Variants in DOCK2 observed in about 807,000 individuals in gnomAD.
DOCK2 encodes the protein dedicator of cytokinesis 2.
DOCK2 carries 87 observed loss-of-function variants against 248.9 expected under a neutral mutation model. The ratio of observed to expected loss-of-function variants is 0.35; its 90% CI spans 0.29 to 0.42. The LOEUF is 0.42. Ranked by LOEUF, DOCK2 falls within the 10% of genes least tolerant of loss-of-function variation. DOCK2 has a pLI of 1.00. For missense variants in DOCK2, 1,747 were observed against 2,300.2 expected, an observed-to-expected ratio of 0.76 and a Z score of 4.92; for synonymous variants, 805 against 821.6, an observed-to-expected ratio of 0.98 and a Z score of 0.35.
chr5:169,786,895 G>A lies in DOCK2; in HGVS notation c.2555-16163G>A, dbSNP rs1024883669. ...AGTATATAGTAAATCTATTAGCCACGACCCTTATCAAGATACAGTATATTT... is the reference window on the plus strand; with the variant it reads ...AGTATATAGTAAATCTATTAGCCACAACCCTTATCAAGATACAGTATATTT... On this transcript the variant is annotated intron_variant, in intron 25 of 51. Transcript: ENST00000520908. Among the ~76,000 whole-genome samples the A allele has an allele frequency of 2.0e-5, 3 of 151,974 alleles. No homozygotes were observed. The South Asian group carries it at 6.2e-4, about 32-fold the overall frequency.
chr5:169,647,087 C>T (rs2113126554), intron 1 of DOCK2, among the ~76,000 whole-genome samples: 1 of 152,328 alleles, frequency 6.6e-6, no homozygotes, highest in Middle Eastern at 3.4e-3. Flanking sequence ...GGGCAGTGCC[C>T]CCTTTGCTTC....
chr5:169,968,727 G>C (rs1033767938), intron 27 of DOCK2, among the ~76,000 whole-genome samples: 7 of 152,166 alleles, frequency 4.6e-5, no homozygotes, highest in African/African-American at 1.7e-4. Context: ...GGTACTCCCT[G>C]GGTCAGCTCA....
chr5:169,933,867 A>G (rs1412806931), intron 27 of DOCK2, among the ~76,000 whole-genome samples: 1 of 152,156 alleles, frequency 6.6e-6, no homozygotes, highest in Non-Finnish European at 1.5e-5. Flanking sequence ...AGAGAAATGA[A>G]CAGAGCGTGC....
chr5:169,816,688 T>C (rs182994340), intron 26 of DOCK2, among the ~76,000 whole-genome samples: 1 of 152,290 alleles, frequency 6.6e-6, no homozygotes, highest in Non-Finnish European at 1.5e-5. Context: ...TTTCTTTTTT[T>C]TAATTTTTAA....
chr5:169,933,736 T>G (rs1775865639), intron 27 of DOCK2, among the ~76,000 whole-genome samples: 1 of 152,158 alleles, frequency 6.6e-6, no homozygotes, highest in Non-Finnish European at 1.5e-5. Flanking sequence ...AGACACCCAC[T>G]TCTCAGACTT....
intron 22 of DOCK2, among the ~76,000 whole-genome samples, chr5:169,725,232 A>G (rs534680448): frequency 3.0e-4 from 45 of 152,356 alleles, no homozygotes; most frequent in African/African-American, 1.0e-3. Context: ...AAACTGAACA[A>G]TTGCAGTTAA....
intron 27 of DOCK2, among the ~76,000 whole-genome samples, chr5:169,843,806 T>C (rs1410380996): frequency 1.3e-5 from 2 of 152,240 alleles, no homozygotes; most frequent in African/African-American, 2.4e-5. Context: ...ATCATACAAT[T>C]CAAGGTCATT....
intron 26 of DOCK2, among the ~76,000 whole-genome samples, chr5:169,835,417 G>A (rs956129155): frequency 1.3e-5 from 2 of 151,946 alleles, no homozygotes; most frequent in Non-Finnish European, 2.9e-5. Flanking sequence ...ATCATGCCTG[G>A]CTAATTTTTA....
At chr5:169,819,123 C>T (rs145889070) in intron 26 of DOCK2, among the ~76,000 whole-genome samples, 62 of 152,230 alleles carry the variant, frequency 4.1e-4, no homozygotes, top group African/African-American at 1.4e-3. Flanking sequence ...CAGAAATACC[C>T]GCAGGAGACC....
chr5:169,736,885 A>C (rs975632874), intron 22 of DOCK2, among the ~76,000 whole-genome samples: 1 of 152,218 alleles, frequency 6.6e-6, no homozygotes, highest in Non-Finnish European at 1.5e-5. Flanking sequence ...TTTGGTTTGC[A>C]TTAGTAATCA....
chr5:170,083,128 T>C lies in DOCK2; in HGVS notation c.*270T>C, dbSNP rs1758092480. ...GCAAGAATGCCTTCTCCCAGTGTGC[T>C]CTCCCCAACATCCTAGGCACAGCTT... On this transcript the variant is annotated 3_prime_UTR_variant, in exon 52 of 52. Transcript: ENST00000520908. The C allele has an allele frequency of 1.3e-5, 6 of 465,832 alleles. No homozygotes were observed. The highest frequency in any genetic ancestry group is 2.3e-5 in the Non-Finnish European group (6 of 259,042). 28.9% of individuals were successfully genotyped at this position (465,832 alleles called of 1,614,324 possible).
At chr5:169,978,465 C>T (rs1347646993) in intron 27 of DOCK2, among the ~76,000 whole-genome samples, 1 of 147,086 alleles carries the variant, frequency 6.8e-6, no homozygotes, top group Non-Finnish European at 1.5e-5. Context: ...ATGTTGTACA[C>T]TAAAATTATT....
chr5:169,858,571 G>A (rs999090949), intron 27 of DOCK2, among the ~76,000 whole-genome samples: 1 of 152,180 alleles, frequency 6.6e-6, no homozygotes, highest in South Asian at 2.1e-4. Context: ...GCAGGGCTTC[G>A]GGCCAGAGCA....
chr5:169,680,876 T>C (rs1759620252), intron 6 of DOCK2, among the ~76,000 whole-genome samples: 1 of 152,172 alleles, frequency 6.6e-6, no homozygotes, highest in African/African-American at 2.4e-5. Context: ...ATAAGCTTAT[T>C]CTTATACATG....
chr5:170,016,866 A>C (rs932828933), intron 32 of DOCK2, among the ~76,000 whole-genome samples: 2 of 152,252 alleles, frequency 1.3e-5, no homozygotes, highest in African/African-American at 4.8e-5. Flanking sequence ...AGAAACCTAG[A>C]TTAGCAATTA....
chr5:169,892,008 A>G (rs868450750), intron 27 of DOCK2, among the ~76,000 whole-genome samples: 3 of 151,834 alleles, frequency 2.0e-5, no homozygotes, highest in Admixed American at 6.6e-5. Flanking sequence ...AAAAAAAAAA[A>G]AAAAGAAAAA....
At position 170,008,198 on chromosome 5, in the gene DOCK2, C is replaced by G. The variant is rs537263778; in HGVS notation, c.3073-299C>G. Among the ~76,000 whole-genome samples the G allele has an allele frequency of 3.0e-4, 27 of 90,994 alleles. 1 individual carries two copies. In the East Asian group the frequency reaches 9.5e-3, roughly 32 times the overall value. 59.7% of individuals were successfully genotyped at this position (90,994 alleles called of 152,430 possible). ...ACAGAACAAAGCACAAGGACAAAAACAACAACAACAACAACAACAACAACA... is the reference window on the plus strand; with the variant it reads ...ACAGAACAAAGCACAAGGACAAAAAGAACAACAACAACAACAACAACAACA... On this transcript the variant is annotated intron_variant, in intron 30 of 51. Coordinates refer to ENST00000520908, the MANE Select transcript of DOCK2 (RefSeq NM_004946.3).
chr5:169,979,643 G>C (rs1319462343), intron 27 of DOCK2, among the ~76,000 whole-genome samples: 1 of 152,158 alleles, frequency 6.6e-6, no homozygotes, highest in Non-Finnish European at 1.5e-5. Context: ...GATGCTTCTA[G>C]TCAGAAGTAA....
intron 27 of DOCK2, among the ~76,000 whole-genome samples, chr5:169,843,068 CTT>C (rs1430078833): frequency 3.9e-5 from 6 of 152,190 alleles, no homozygotes. Context: ...ATTTTTCAGT[CTT>C]TTCATCAACT....
Sources: gnomAD v4.1 joint callset for allele counts (sites outside exome capture counted in the v4.1 genomes callset) on GRCh38, gnomAD v4.1.1 for gene constraint, MANE v1.5 for transcripts, NCBI Gene and HGNC (gene_info 2026-07-23, HGNC 2026-07-21) for gene names.